FMNL2: variants seen among roughly 807,000 people sequenced by gnomAD.
FMNL2 encodes the protein formin-like protein 2.
Under a neutral mutation model 130.2 loss-of-function variants are expected in FMNL2, and 51 were observed. The ratio of observed to expected loss-of-function variants is 0.39; its 90% confidence interval spans 0.31 to 0.49. The LOEUF (loss-of-function observed/expected upper bound fraction) is 0.49. FMNL2 is among the 20% of genes least tolerant of loss of function. The pLI is 0.85. For synonymous variants in FMNL2, 465 were observed against 467.1 expected (o/e 1.00, Z 0.06); for missense variants, 977 against 1,316.2 (o/e 0.74, Z 3.99).
intron 6 of FMNL2, among the ~76,000 whole-genome samples, chr2:152,571,880 A>G (rs996572146): frequency 7.3e-6 from 1 of 136,622 alleles, no homozygotes; most frequent in African/African-American, 2.7e-5. Flanking sequence ...TTAATTGGTG[A>G]CGGATTACTG....
At chr2:152,531,314 C>G (rs80226450) in intron 2 of FMNL2, among the ~76,000 whole-genome samples, 2 of 152,106 alleles carry the variant, frequency 1.3e-5, no homozygotes, top group Non-Finnish European at 2.9e-5. Flanking sequence ...TCCTTAGATC[C>G]TATTTGAAAG....
intron 1 of FMNL2, among the ~76,000 whole-genome samples, chr2:152,386,253 CAG>C (rs1684775617): frequency 6.6e-6 from 1 of 152,208 alleles, no homozygotes; most frequent in Admixed American, 6.5e-5. Context: ...TTACAAAGTA[CAG>C]AGTCTTATCC....
chr2:152,336,426 G>C (rs1681451636), intron 1 of FMNL2, among the ~76,000 whole-genome samples: 1 of 152,188 alleles, frequency 6.6e-6, no homozygotes, highest in South Asian at 2.1e-4. Flanking sequence ...GAGTTTTGCG[G>C]GGACGTGTTG....
intron 1 of FMNL2, among the ~76,000 whole-genome samples, chr2:152,451,721 C>G (rs760890612): frequency 1.3e-5 from 2 of 152,030 alleles, no homozygotes; most frequent in Non-Finnish European, 2.9e-5. Flanking sequence ...ACTAGACTCT[C>G]GAAACAAACT....
rs142108544 is a variant in FMNL2 at position 152,387,069 on chromosome 2, C to T, written c.117+51349C>T. ...TAGATATTTCATGAAAAAGTGTGGCCTGTCTTGGGATTAAACCATTCCTGG... is the reference window on the plus strand; with the variant it reads ...TAGATATTTCATGAAAAAGTGTGGCTTGTCTTGGGATTAAACCATTCCTGG... On this transcript the variant is annotated intron_variant, in intron 1 of 25. Coordinates refer to ENST00000288670, the MANE Select transcript of FMNL2 (RefSeq NM_052905.4). Among the ~76,000 whole-genome samples, 847 of 152,254 alleles carry T rather than the reference C, an allele frequency of 5.6e-3. 7 individuals carry two copies. Among genetic ancestry groups the T allele is most frequent in the African/African-American group, 0.019 (795 of 41,540 alleles).
chr2:152,416,563 A>G (rs747872389), intron 1 of FMNL2, among the ~76,000 whole-genome samples: 14 of 152,184 alleles, frequency 9.2e-5, no homozygotes, highest in Non-Finnish European at 1.9e-4. Flanking sequence ...CCAAAGCTAG[A>G]ATCAAATATG....
Position 152,643,013 on chromosome 2 carries a change from A to C in FMNL2, c.3169+2099A>C, listed in dbSNP as rs571528747. On this transcript the variant is annotated intron_variant, in intron 25 of 25. Transcript: ENST00000288670. ...AATAGAGGGAGACTCTGTCTCAAAAAAAAACAAAACAAAACAAACAAAAAC... is the reference window on the plus strand; with the variant it reads ...AATAGAGGGAGACTCTGTCTCAAAACAAAACAAAACAAAACAAACAAAAAC... Among the ~76,000 whole-genome samples the C allele has an allele frequency of 9.8e-4, 149 of 152,282 alleles. 1 individual carries two copies. The highest frequency in any genetic ancestry group is 3.1e-3 in the African/African-American group (128 of 41,574).
chr2:152,344,353 T>A (rs6733002), intron 1 of FMNL2, among the ~76,000 whole-genome samples: 136,277 of 151,892 alleles, frequency 0.9, 61,716 homozygotes, highest in East Asian at 1. Flanking sequence ...CCAAGCCAAT[T>A]TGCCTATGAG....
intron 9 of FMNL2, among the ~76,000 whole-genome samples, chr2:152,583,423 C>G (rs1696897768): frequency 6.6e-6 from 1 of 152,142 alleles, no homozygotes; most frequent in South Asian, 2.1e-4. Flanking sequence ...AGATTTATTG[C>G]AAAGCAAAAA....
At chr2:152,605,659 A>G (rs752229680) in intron 9 of FMNL2, among the ~76,000 whole-genome samples, 51 of 152,114 alleles carry the variant, frequency 3.4e-4, no homozygotes, top group Non-Finnish European at 6.2e-4. Context: ...TCTACCTTCC[A>G]TGCACTGTCC....
At position 152,581,258 on chromosome 2, in the gene FMNL2, T is replaced by TTTG. The variant is rs937908843; in HGVS notation, c.876+221_876+223dup. On this transcript the variant is annotated intron_variant, in intron 9 of 25. Transcript: ENST00000288670. ...TTAAAAATAATCACAGTACTCTTTT[T>TTTG]TTGTTGTTGTTGTTTTTGTTTTAAT... 5.3e-5 allele frequency among the ~76,000 whole-genome samples: 8 copies of TTTG among 152,212 alleles called. No individual in the cohort carries two copies. The South Asian group carries it at 1.4e-3, about 28-fold the overall frequency.
At chr2:152,344,159 A>G (rs1681974618) in intron 1 of FMNL2, among the ~76,000 whole-genome samples, 1 of 152,128 alleles carries the variant, frequency 6.6e-6, no homozygotes, top group South Asian at 2.1e-4. Flanking sequence ...CTAAAACAAA[A>G]ACAAAAACAA....
At chr2:152,367,652 C>T (rs1683635977) in intron 1 of FMNL2, among the ~76,000 whole-genome samples, 1 of 152,168 alleles carries the variant, frequency 6.6e-6, no homozygotes, top group Non-Finnish European at 1.5e-5. Context: ...GCTTCCTCTC[C>T]ACCAGGTTAA....
At position 152,349,869 on chromosome 2, in the gene FMNL2, G is replaced by A. The variant is rs762660443; in HGVS notation, c.117+14149G>A. The stretch of plus-strand genomic sequence containing the variant: ...CATTGTGCATTTTTGCTCCTTTGGT[G>A]CTTATATGCTTTATTCAGACAGTCC... On this transcript the variant is annotated intron_variant, in intron 1 of 25. Transcript: ENST00000288670. 1.3e-4 allele frequency among the ~76,000 whole-genome samples: 19 copies of A among 151,068 alleles called. 1 individual carries two copies. Among genetic ancestry groups the A allele is most frequent in the Admixed American group, 1.1e-3 (16 of 15,118 alleles).
chr2:152,579,847 T>C (rs1010785809), intron 8 of FMNL2, among the ~76,000 whole-genome samples: 4 of 152,274 alleles, frequency 2.6e-5, no homozygotes, highest in Non-Finnish European at 4.4e-5. Context: ...GTTATTTTAA[T>C]GTGCTTTCCA....
chr2:152,632,095 C>T lies in FMNL2; in HGVS notation c.2638C>T (p.Leu880=), dbSNP rs772473214. ...GAAAGAAAAATATCACCAAGTGTCC[C>T]TGTTTTATAATGAGCTTCATTATGT... is the stretch of plus-strand genomic sequence containing the variant. ...VVKEKYHQVS[L]FYNELHYVEK... The change falls in exon 21 of 26, where the codon CTG becomes TTG. Residue 880 remains leucine (L), a synonymous_variant. Transcript: ENST00000288670. The T allele has an allele frequency of 6.2e-7, 1 of 1,613,188 alleles. No homozygotes were observed. The highest frequency in any genetic ancestry group is 1.7e-5 in the Admixed American group (1 of 59,928).
intron 3 of FMNL2, among the ~76,000 whole-genome samples, chr2:152,547,594 G>A (rs1694714332): frequency 6.6e-6 from 1 of 152,188 alleles, no homozygotes; most frequent in Non-Finnish European, 1.5e-5. Context: ...GGTAACAGGA[G>A]CCTGCTGTGC....
intron 1 of FMNL2, among the ~76,000 whole-genome samples, chr2:152,387,914 G>A (rs898844719): frequency 2.6e-5 from 4 of 151,618 alleles, no homozygotes; most frequent in South Asian, 2.1e-4. Context: ...TCAACCTACC[G>A]AAGCACTGGG....
At chr2:152,442,090 G>A (rs1688081645) in intron 1 of FMNL2, among the ~76,000 whole-genome samples, 1 of 151,908 alleles carries the variant, frequency 6.6e-6, no homozygotes, top group Admixed American at 6.6e-5. Context: ...ATGAGGAACC[G>A]ACAAAATTTA....
Sources: gnomAD v4.1 joint callset for allele counts (sites outside exome capture counted in the v4.1 genomes callset) on GRCh38, gnomAD v4.1.1 for gene constraint, MANE v1.5 for transcripts, NCBI Gene and HGNC (gene_info 2026-07-23, HGNC 2026-07-21) for gene names.